MAGI2: variants seen among roughly 807,000 people sequenced by gnomAD.
MAGI2 encodes membrane associated guanylate kinase, WW and PDZ domain containing 2.
A neutral mutation model predicts 133.3 loss-of-function variants in MAGI2; 35 were observed. The ratio of observed to expected loss-of-function variants is 0.26; its 90% CI spans 0.20 to 0.35. MAGI2 has a LOEUF of 0.35. MAGI2 is among the 10% of genes least tolerant of loss of function. MAGI2 has a pLI of 1.00. For missense variants in MAGI2, 1,636 were observed against 1,863.4 expected (o/e 0.88, Z 2.25); for synonymous variants, 729 against 710.6 (o/e 1.03, Z -0.41).
At chr7:78,906,116 C>G (rs975813221) in intron 2 of MAGI2, among the ~76,000 whole-genome samples, 2 of 152,192 alleles carry the variant, frequency 1.3e-5, no homozygotes, top group African/African-American at 2.4e-5. Flanking sequence ...TAGTCAGCTA[C>G]TACTAATATA....
intron 3 of MAGI2, among the ~76,000 whole-genome samples, chr7:78,603,136 T>G (rs22535): frequency 6.6e-6 from 1 of 152,054 alleles, no homozygotes; most frequent in Non-Finnish European, 1.5e-5. Flanking sequence ...AGTGACAGAA[T>G]TACTGAGAAG....
intron 2 of MAGI2, among the ~76,000 whole-genome samples, chr7:78,660,672 C>A (rs1812852208): frequency 6.6e-6 from 1 of 152,134 alleles, no homozygotes; most frequent in African/African-American, 2.4e-5. Flanking sequence ...TGGGTATATT[C>A]CATTTCTAAA....
chr7:79,445,611 A>G (rs182977495), intron 1 of MAGI2, among the ~76,000 whole-genome samples: 1,643 of 152,340 alleles, frequency 0.011, 35 homozygotes, highest in African/African-American at 0.038. Context: ...CAAAACCACA[A>G]TGAGATACCA....
chr7:78,757,728 G>C (rs1399931007), intron 2 of MAGI2, among the ~76,000 whole-genome samples: 2 of 151,950 alleles, frequency 1.3e-5, no homozygotes, highest in African/African-American at 4.8e-5. Flanking sequence ...GTGACTTCTT[G>C]GTCTCTTTTG....
rs574377370 is a variant in MAGI2, at chr7:79,209,187, AAAT to A, written c.302-201984_302-201982del. On this transcript the variant is annotated intron_variant, in intron 1 of 21. Coordinates refer to ENST00000354212, the MANE Select transcript of MAGI2 (RefSeq NM_012301.4). ...TGGATATAAAGTGTTCTCACTATAA[AAAT>A]AATAACTATGTGAGATAATGAATAT... 3.9e-5 allele frequency among the ~76,000 whole-genome samples: 6 copies of A among 151,992 alleles called. No homozygotes were observed. In the South Asian group the frequency reaches 1.0e-3, roughly 26 times the overall value.
At position 78,202,714 on chromosome 7, in the gene MAGI2, A is replaced by G. The variant is rs955865130; in HGVS notation, c.2048-1521T>C. 4.0e-5 allele frequency among the ~76,000 whole-genome samples: 6 copies of G among 149,312 alleles called. No individual in the cohort carries two copies. The East Asian group carries it at 9.7e-4, about 24-fold the overall frequency. On this transcript the variant is annotated intron_variant, in intron 10 of 21. Transcript: ENST00000354212. Reference sequence around the variant, plus strand: ...AAAAAAAAAAAAAAAAAATTAAGCTATATAATCCATCATGTTTCTTAGCTT... The same window carrying G: ...AAAAAAAAAAAAAAAAAATTAAGCTGTATAATCCATCATGTTTCTTAGCTT...
chr7:79,237,077 TCA>T (rs1254440037), intron 1 of MAGI2, among the ~76,000 whole-genome samples: 1 of 152,160 alleles, frequency 6.6e-6, no homozygotes, highest in Non-Finnish European at 1.5e-5. Context: ...TAGACAGCTC[TCA>T]GTTTGTACCT....
intron 21 of MAGI2, among the ~76,000 whole-genome samples, chr7:78,037,255 T>C (rs1162683829): frequency 2.0e-5 from 3 of 152,174 alleles, no homozygotes; most frequent in Non-Finnish European, 4.4e-5. Context: ...GGGCCTATGA[T>C]GTCCTTAGCT....
At chr7:78,109,309 A>C (rs1819084498) in intron 20 of MAGI2, among the ~76,000 whole-genome samples, 2 of 119,032 alleles carry the variant, frequency 1.7e-5, no homozygotes, top group Non-Finnish European at 3.3e-5. Flanking sequence ...GTCTCAAAAA[A>C]AAAAAAAAAA....
At chr7:78,424,260 C>T (rs1799072336) in intron 6 of MAGI2, among the ~76,000 whole-genome samples, 1 of 152,198 alleles carries the variant, frequency 6.6e-6, no homozygotes, top group Non-Finnish European at 1.5e-5. Flanking sequence ...AGCCCCAAAC[C>T]TTGGCCGCTT....
chr7:78,879,564 G>A (rs890825293), intron 2 of MAGI2, among the ~76,000 whole-genome samples: 6 of 151,696 alleles, frequency 4.0e-5, no homozygotes, highest in South Asian at 2.1e-4. Context: ...AATAATAATG[G>A]GAAAGAAAAA....
chr7:79,386,316 T>C (rs1157810957), intron 1 of MAGI2, among the ~76,000 whole-genome samples: 1 of 152,048 alleles, frequency 6.6e-6, no homozygotes, highest in Non-Finnish European at 1.5e-5. Flanking sequence ...CAGTCACTTC[T>C]GGTGATTAAA....
intron 2 of MAGI2, among the ~76,000 whole-genome samples, chr7:78,815,654 TTA>T (rs1311184902): frequency 6.6e-6 from 1 of 152,194 alleles, no homozygotes; most frequent in African/African-American, 2.4e-5. Context: ...TTCATTATGA[TTA>T]TATTTGTCAC....
At chr7:78,108,677 C>CACATATGTGAGTGT (rs1350271692) in intron 20 of MAGI2, among the ~76,000 whole-genome samples, 4 of 139,224 alleles carry the variant, frequency 2.9e-5, no homozygotes, top group Non-Finnish European at 4.9e-5. Flanking sequence ...TGTATACACA[C>CACATATGTGAGTGT]ATATATGTGA....
chr7:78,522,805 A>C (rs1033428018), intron 3 of MAGI2, among the ~76,000 whole-genome samples: 1 of 152,212 alleles, frequency 6.6e-6, no homozygotes. Context: ...AACCTATATC[A>C]GTGTTTTCAG....
chr7:78,415,032 G>A (rs866472671), intron 6 of MAGI2, among the ~76,000 whole-genome samples: 37 of 152,036 alleles, frequency 2.4e-4, no homozygotes, highest in African/African-American at 8.5e-4. Context: ...TCATAAAAAG[G>A]TCCAACTTAG....
At chr7:78,310,913 G>C (rs1426661291) in intron 9 of MAGI2, among the ~76,000 whole-genome samples, 1 of 152,148 alleles carries the variant, frequency 6.6e-6, no homozygotes, top group African/African-American at 2.4e-5. Context: ...AAAGCACTTG[G>C]AAATATGGAA....
chr7:78,133,905 T>C (rs1465620269), intron 17 of MAGI2, among the ~76,000 whole-genome samples: 2 of 152,122 alleles, frequency 1.3e-5, no homozygotes, highest in Non-Finnish European at 2.9e-5. Flanking sequence ...CCCTATGAAC[T>C]CTTCTTCCCC....
rs571592645 is a variant in MAGI2, at chr7:78,742,733, T to C, written c.419-115494A>G. Among the ~76,000 whole-genome samples, 30 of 152,316 alleles carry C rather than the reference T, an allele frequency of 2.0e-4. 1 individual carries two copies. The South Asian group carries it at 6.0e-3, about 30-fold the overall frequency. On this transcript the variant is annotated intron_variant, in intron 2 of 21. Transcript: ENST00000354212. ...AAGAAGTTAAATCTAGTTCCCTTCC[T>C]CTTAAATTTGTAGCTTGCTTGTGAC... is the stretch of plus-strand genomic sequence containing the variant.
Sources: gnomAD v4.1 joint callset for allele counts (sites outside exome capture counted in the v4.1 genomes callset) on GRCh38, gnomAD v4.1.1 for gene constraint, MANE v1.5 for transcripts, NCBI Gene and HGNC (gene_info 2026-07-23, HGNC 2026-07-21) for gene names.